The following ZNF117 variants were observed in gnomAD, a reference collection of about 807,000 sequenced individuals.
The protein encoded by ZNF117 is zinc finger protein 117.
A neutral mutation model predicts 41.2 loss-of-function variants in ZNF117; 37 were observed. The ratio of observed to expected loss-of-function variants is 0.90; its 90% CI spans 0.69 to 1.18. The LOEUF (loss-of-function observed/expected upper bound fraction) is 1.18. ZNF117 is among the 50% of genes most tolerant of loss of function. ZNF117 has a pLI of 0.00. For synonymous variants in ZNF117, 186 were observed against 186.6 expected (o/e 1.00, Z 0.02); for missense variants, 546 against 557.5 (o/e 0.98, Z 0.21).
Position 64,977,883 on chromosome 7 carries a change from C to T in ZNF117, c.*236G>A, listed in dbSNP as rs569227978. On this transcript the variant is annotated 3_prime_UTR_variant, in exon 3 of 3. Transcript: ENST00000620222. ...GTTTGATGATCAATTAAAAGCTCTGCCACATTCTTCACATTTGTAGGGTTT... is the reference window on the plus strand; with the variant it reads ...GTTTGATGATCAATTAAAAGCTCTGTCACATTCTTCACATTTGTAGGGTTT... 5 of 1,187,650 alleles carry T rather than the reference C, an allele frequency of 4.2e-6. No individual in the cohort carries two copies. In the East Asian group the frequency reaches 7.2e-5, roughly 17 times the overall value. 73.6% of individuals were successfully genotyped at this position (1,187,650 alleles called of 1,614,324 possible).
At chr7:64,985,967 A>G (rs376115380), upstream of ZNF117, among the ~76,000 whole-genome samples, 1 of 148,904 alleles carries the variant, frequency 6.7e-6, no homozygotes, top group Non-Finnish European at 1.5e-5. Context: ...AAAAAAAAAA[A>G]AAAGAAAGAA....
chr7:64,972,756 T>C (rs1287379563), downstream of ZNF117: 1 of 152,052 alleles, frequency 6.6e-6, no homozygotes, highest in African/African-American at 2.4e-5. Context: ...ATCATAATAA[T>C]GTAGTTGTGT....
upstream of ZNF117, among the ~76,000 whole-genome samples, chr7:64,983,732 T>C (rs1786079734): frequency 6.6e-6 from 1 of 152,024 alleles, no homozygotes; most frequent in Non-Finnish European, 1.5e-5. Flanking sequence ...CCCACAGAGA[T>C]AGACAGAGAT....
chr7:64,980,838 T>G (rs1786007648), intron 2 of ZNF117: 1 of 152,824 alleles, frequency 6.5e-6, no homozygotes, highest in Non-Finnish European at 1.5e-5. Context: ...TCCTGCCAAA[T>G]AAAAAGAAAA....
At chr7:64,989,060 C>T (rs1448351537) in intron 1 of ZNF117, among the ~76,000 whole-genome samples, 1 of 151,806 alleles carries the variant, frequency 6.6e-6, no homozygotes, top group Non-Finnish European at 1.5e-5. Context: ...TATCAAACTA[C>T]CAAAAACATT....
rs776385269 is a variant in ZNF117, at chr7:64,981,376, C to T, written c.34+11G>A. 10 of 1,612,856 alleles carry T rather than the reference C, an allele frequency of 6.2e-6. No individual in the cohort carries two copies. The African/African-American group carries it at 9.4e-5, about 15-fold the overall frequency. On this transcript the variant is annotated intron_variant, in intron 2 of 2. Transcript: ENST00000620222. ...CTTCTCTGTGCCATCTGTGTATTCA[C>T]TCTCACTTACCTAAATGTTTAGCTA...
At chr7:64,985,002 G>GC (rs1013717062), upstream of ZNF117, among the ~76,000 whole-genome samples, 1 of 151,584 alleles carries the variant, frequency 6.6e-6, no homozygotes, top group African/African-American at 2.4e-5. Flanking sequence ...ATGTCGGCAA[G>GC]GCTGGTCTTG....
upstream of ZNF117, among the ~76,000 whole-genome samples, chr7:64,984,362 C>T (rs1475687358): frequency 6.6e-6 from 1 of 152,194 alleles, no homozygotes; most frequent in East Asian, 1.9e-4. Flanking sequence ...GAACTCCTGA[C>T]CTCAAGTGAC....
At chr7:64,976,849 T>G (rs1315214426) in exon 3 of ZNF117, 1 of 438,840 alleles carries the variant, frequency 2.3e-6, no homozygotes, top group Non-Finnish European at 4.6e-6. Context: ...TTATGTTTAG[T>G]AAAGTTTGAG....
At chr7:64,982,170 G>T, upstream of ZNF117, 1 of 604,998 alleles carries the variant, frequency 1.7e-6, no homozygotes, top group South Asian at 2.3e-5. Context: ...TTACCAAGTG[G>T]CCATGGGCAT....
downstream of ZNF117, chr7:64,974,383 A>G (rs575467249): frequency 3.9e-5 from 6 of 152,074 alleles, no homozygotes; most frequent in Admixed American, 6.5e-5. Context: ...ATTCTGAATC[A>G]TAAGTCAGAA....
exon 3 of ZNF117, chr7:64,975,253 C>T (rs1785857506): frequency 6.6e-6 from 1 of 150,388 alleles, no homozygotes; most frequent in African/African-American, 2.4e-5. Flanking sequence ...ATTAAGTTCA[C>T]AATAATCTAA....
intron 1 of ZNF117, among the ~76,000 whole-genome samples, chr7:64,988,725 A>C (rs566278865): frequency 6.6e-6 from 1 of 152,306 alleles, no homozygotes; most frequent in African/African-American, 2.4e-5. Context: ...AAAGCTCCTT[A>C]AACTGAAAAA....
exon 3 of ZNF117, chr7:64,976,799 C>T (rs1378768818): frequency 2.7e-6 from 1 of 377,066 alleles, no homozygotes; most frequent in Non-Finnish European, 5.3e-6. Context: ...AAATCATTGT[C>T]ACATCTTTCA....
rs1292603310 is a variant in ZNF117 at position 64,978,241 on chromosome 7, GT to G, written c.1329del (p.Lys443AsnfsTer23). The G allele has an allele frequency of 1.2e-6, 2 of 1,611,538 alleles. No individual in the cohort carries two copies. Among genetic ancestry groups the G allele is most frequent in the Non-Finnish European group, 1.7e-6 (2 of 1,178,728 alleles). Reference sequence around the variant, plus strand: ...TTGCCACATTCTTCACATTTGTAGGGTTTCTCTCCAGTATGAATTCTCTTAT... The same window carrying G: ...TTGCCACATTCTTCACATTTGTAGGGTTCTCTCCAGTATGAATTCTCTTAT... On this transcript the variant is annotated frameshift_variant, in exon 3 of 3. Coordinates refer to ENST00000620222, the Ensembl canonical transcript of ZNF117. LOFTEE classifies it high-confidence loss of function.
intron 2 of ZNF117, 74 bp from the exon 4 acceptor site, chr7:64,979,610 A>G (rs1562985067): frequency 8.4e-7 from 1 of 1,195,368 alleles, no homozygotes; most frequent in Non-Finnish European, 1.1e-6. Context: ...TCTAACCCAT[A>G]AAGTTACAGA....
upstream of ZNF117, among the ~76,000 whole-genome samples, chr7:64,985,362 A>G (rs190414519): frequency 3.9e-5 from 6 of 152,360 alleles, 1 homozygote; most frequent in Admixed American, 3.9e-4. Context: ...ATTCTATCAA[A>G]GGAACTTAGT....
At chr7:64,972,156 T>A (rs889630011), downstream of ZNF117, 1 of 152,026 alleles carries the variant, frequency 6.6e-6, no homozygotes, top group African/African-American at 2.4e-5. Context: ...TTACTCTTAC[T>A]AAAAAGAAAA....
At chr7:64,978,909 T>C (rs1431380419) in exon 3 of ZNF117, 2 of 1,613,504 alleles carry the variant, frequency 1.2e-6, no homozygotes, top group African/African-American at 1.3e-5. Flanking sequence ...CTCACATTTG[T>C]AGGGAATTTC....
Sources: allele counts gnomAD v4.1 joint callset (sites outside exome capture counted in the v4.1 genomes callset), GRCh38; gene constraint gnomAD v4.1.1; transcripts MANE v1.5; gene names NCBI Gene and HGNC (gene_info 2026-07-23, HGNC 2026-07-21).